The following KIRREL3 variants were observed in gnomAD, a reference collection of about 807,000 sequenced individuals.
The protein encoded by KIRREL3 is kin of IRRE-like protein 3.
In KIRREL3, 36 loss-of-function variants were observed where a neutral mutation model predicts 89.7. The observed-to-expected ratio is 0.40, with a 90% CI of 0.31 to 0.53. KIRREL3 has a LOEUF of 0.53. Among genes scored for constraint, KIRREL3 ranks in the 20% least tolerant of loss-of-function variants. The pLI is 0.49. For missense variants in KIRREL3, 864 were observed against 1,056.6 expected, an observed-to-expected ratio of 0.82 and a Z score of 2.53; for synonymous variants, 445 against 441.4, an observed-to-expected ratio of 1.01 and a Z score of -0.10.
rs578115678 is a variant in KIRREL3, at chr11:126,893,553, C to T, written c.55+106902G>A. 3.8e-4 allele frequency among the ~76,000 whole-genome samples: 58 copies of T among 152,320 alleles called. No homozygotes were observed. In the South Asian group the frequency reaches 0.012, roughly 30 times the overall value. On this transcript the variant is annotated intron_variant, in intron 1 of 16. Coordinates refer to ENST00000525144, the MANE Select transcript of KIRREL3 (RefSeq NM_032531.4). ...GACCTAAACGGAAACATTGAACCGG[C>T]CACCTGAAGGTCTAGAAGTTTTAGA...
rs1318043815 is a variant in KIRREL3, at chr11:126,428,272, C to T, written c.1806+907G>A. On this transcript the variant is annotated intron_variant, in intron 15 of 16. Transcript: ENST00000525144. This position sits in a 1 kb window ranked among gnomAD's most constrained non-coding sequence, Gnocchi z 6.4. ...ACTATATTCCTTGCTCTGCTGCCTCCACTCCAACATGTTACGACCGAGGCA... is the reference window on the plus strand; with the variant it reads ...ACTATATTCCTTGCTCTGCTGCCTCTACTCCAACATGTTACGACCGAGGCA... Among the ~76,000 whole-genome samples the T allele has an allele frequency of 6.6e-6, 1 of 152,212 alleles. No homozygotes were observed. The highest frequency in any genetic ancestry group is 1.5e-5 in the Non-Finnish European group (1 of 68,038).
chr11:126,959,620 C>T (rs1292641718), intron 1 of KIRREL3, among the ~76,000 whole-genome samples: 4 of 152,188 alleles, frequency 2.6e-5, no homozygotes, highest in African/African-American at 9.7e-5. Flanking sequence ...ATATATTCAG[C>T]CATCATCTCG....
chr11:126,793,772 T>C (rs1950718757), intron 1 of KIRREL3, among the ~76,000 whole-genome samples: 1 of 152,228 alleles, frequency 6.6e-6, no homozygotes, highest in Non-Finnish European at 1.5e-5. Flanking sequence ...AGCGTGCTCA[T>C]GCTCATGAGA....
At chr11:126,572,575 C>G (rs568375642) in intron 1 of KIRREL3, among the ~76,000 whole-genome samples, 21 of 94,040 alleles carry the variant, frequency 2.2e-4, no homozygotes, top group African/African-American at 6.9e-4. Flanking sequence ...AGAGGGGACC[C>G]CCCCCCCGCC....
At chr11:126,947,111 C>T (rs1198971552) in intron 1 of KIRREL3, among the ~76,000 whole-genome samples, 2 of 152,156 alleles carry the variant, frequency 1.3e-5, no homozygotes, top group Admixed American at 1.3e-4. Flanking sequence ...CAATAACTCC[C>T]TCCCTCACAG....
rs1945898719 is a variant in KIRREL3 at position 126,891,038 on chromosome 11, T to A, written c.55+109417A>T. On this transcript the variant is annotated intron_variant, in intron 1 of 16. Coordinates refer to ENST00000525144, the MANE Select transcript of KIRREL3 (RefSeq NM_032531.4). The surrounding 1 kb of genome is among the most constrained non-coding windows in gnomAD (Gnocchi z 5.1). ...GTGCTTAGTAATTTTCAAAGGCCCA[T>A]CACCCTCTTTGAGTTTGCCCTTAGA... Among the ~76,000 whole-genome samples, 3 of 152,216 alleles carry A rather than the reference T, an allele frequency of 2.0e-5. No individual in the cohort carries two copies. Among genetic ancestry groups the A allele is most frequent in the Non-Finnish European group, 1.5e-5 (1 of 68,040 alleles).
rs202089019 is a variant in KIRREL3, at chr11:126,967,213, C to T, written c.55+33242G>A. Among the ~76,000 whole-genome samples the T allele has an allele frequency of 4.6e-5, 7 of 152,294 alleles. No homozygotes were observed. In the East Asian group the frequency reaches 1.2e-3, roughly 25 times the overall value. ...CTTTGTCCAGCTCTTCCTCTTTGTGCGTAACACTGTTCTATTTCTATTAGC... is the reference window on the plus strand; with the variant it reads ...CTTTGTCCAGCTCTTCCTCTTTGTGTGTAACACTGTTCTATTTCTATTAGC... On this transcript the variant is annotated intron_variant, in intron 1 of 16. Transcript: ENST00000525144.
At position 126,608,452 on chromosome 11, in the gene KIRREL3, C is replaced by T. The variant is rs981931269; in HGVS notation, c.56-45540G>A. On this transcript the variant is annotated intron_variant, in intron 1 of 16. Coordinates refer to ENST00000525144, the MANE Select transcript of KIRREL3 (RefSeq NM_032531.4). This position sits in a 1 kb window ranked among gnomAD's most constrained non-coding sequence, Gnocchi z 4.9. ...CTTGCTTTTCCACCAGGTTTAGCCCCTGGTGCCCTTCCTCTGTCTGTGGGA... is the reference window on the plus strand; with the variant it reads ...CTTGCTTTTCCACCAGGTTTAGCCCTTGGTGCCCTTCCTCTGTCTGTGGGA... Among the ~76,000 whole-genome samples, 2 of 147,632 alleles carry T rather than the reference C, an allele frequency of 1.4e-5. No homozygotes were observed. Among genetic ancestry groups the T allele is most frequent in the East Asian group, 1.9e-4 (1 of 5,198 alleles).
At chr11:126,745,722 C>T (rs903030623) in intron 1 of KIRREL3, among the ~76,000 whole-genome samples, 3 of 152,206 alleles carry the variant, frequency 2.0e-5, no homozygotes, top group African/African-American at 4.8e-5. Flanking sequence ...GAGAGCTTAG[C>T]CTGCAGTGTC....
At chr11:126,602,044 A>G (rs1942681790) in intron 1 of KIRREL3, among the ~76,000 whole-genome samples, 1 of 152,216 alleles carries the variant, frequency 6.6e-6, no homozygotes, top group African/African-American at 2.4e-5. Flanking sequence ...AACACCTCGC[A>G]GGAACTAATT....
At chr11:126,847,017 T>C (rs1359013261) in intron 1 of KIRREL3, among the ~76,000 whole-genome samples, 1 of 152,104 alleles carries the variant, frequency 6.6e-6, no homozygotes, top group Non-Finnish European at 1.5e-5. Context: ...TTTAACAAAA[T>C]TACAAAGGGT....
chr11:126,487,633 GA>G (rs1390627803), intron 4 of KIRREL3, among the ~76,000 whole-genome samples: 8 of 152,098 alleles, frequency 5.3e-5, no homozygotes, highest in Admixed American at 4.6e-4. Context: ...TTCTACATTT[GA>G]AAAAGGGCAA....
chr11:126,712,855 A>C (rs1378634447), intron 1 of KIRREL3, among the ~76,000 whole-genome samples: 2 of 152,232 alleles, frequency 1.3e-5, no homozygotes, highest in African/African-American at 4.8e-5. Flanking sequence ...CCAGTCACTG[A>C]AAAGAAACCA....
intron 1 of KIRREL3, among the ~76,000 whole-genome samples, chr11:126,939,384 A>G (rs2135103160): frequency 6.6e-6 from 1 of 152,330 alleles, no homozygotes; most frequent in East Asian, 1.9e-4. Flanking sequence ...TGGGGCATCC[A>G]GAACTGATGG....
In KIRREL3 at chr11:126,755,725, C is replaced by T. The variant is rs1949471274; in HGVS notation, c.56-192813G>A. On this transcript the variant is annotated intron_variant, in intron 1 of 16. Transcript: ENST00000525144. This position sits in a 1 kb window ranked among gnomAD's most constrained non-coding sequence, Gnocchi z 4.3. ...AGCTCTCCTTGTCAGAATGTGTCTT[C>T]CTGCCAGCTTCAAGCAACTCTTTCC... Among the ~76,000 whole-genome samples the T allele has an allele frequency of 6.6e-6, 1 of 152,036 alleles. No homozygotes were observed. The highest frequency in any genetic ancestry group is 6.6e-5 in the Admixed American group (1 of 15,258).
At chr11:126,950,135 A>ATTT (rs1436957916) in intron 1 of KIRREL3, among the ~76,000 whole-genome samples, 4 of 152,180 alleles carry the variant, frequency 2.6e-5, no homozygotes, top group Non-Finnish European at 4.4e-5. Context: ...GCAATTTGGG[A>ATTT]GGCCGAGGCA....
chr11:126,705,676 A>G lies in KIRREL3; in HGVS notation c.56-142764T>C, dbSNP rs1947501065. ...ACTACGTATGTGCAAGTGTATATGT[A>G]TATGTAATGTATACCTATGTGTATG... On this transcript the variant is annotated intron_variant, in intron 1 of 16. Coordinates refer to ENST00000525144, the MANE Select transcript of KIRREL3 (RefSeq NM_032531.4). This position sits in a 1 kb window ranked among gnomAD's most constrained non-coding sequence, Gnocchi z 4.3. Among the ~76,000 whole-genome samples the G allele has an allele frequency of 6.6e-6, 1 of 152,236 alleles. No individual in the cohort carries two copies. The highest frequency in any genetic ancestry group is 2.1e-4 in the South Asian group (1 of 4,834).
chr11:126,448,979 G>T, intron 8 of KIRREL3, 30 bp downstream of exon 8: 2 of 1,573,884 alleles, frequency 1.3e-6, no homozygotes, highest in Non-Finnish European at 1.7e-6. Context: ...ATGCCTGCTC[G>T]CCTGGGGAAG....
At chr11:126,801,739 C>T (rs1328894540) in intron 1 of KIRREL3, among the ~76,000 whole-genome samples, 1 of 152,188 alleles carries the variant, frequency 6.6e-6, no homozygotes, top group African/African-American at 2.4e-5. Context: ...GACAGCATAG[C>T]TCCTGGCCTG....
Sources: gnomAD v4.1 joint callset for allele counts (sites outside exome capture counted in the v4.1 genomes callset) on GRCh38, gnomAD v4.1.1 for gene constraint, Gnocchi (gnomAD v3.1) non-coding constraint, MANE v1.5 for transcripts, NCBI Gene and HGNC (gene_info 2026-07-23, HGNC 2026-07-21) for gene names.